Variants in ADGRG1 observed in about 807,000 individuals in gnomAD.
ADGRG1 encodes the protein 7-transmembrane protein with no EGF-like N-terminal domains-1.
ADGRG1 carries 53 observed loss-of-function variants against 73.5 expected under a neutral mutation model. The ratio of observed to expected loss-of-function variants is 0.72; its 90% CI spans 0.58 to 0.91. The LOEUF is 0.91. ADGRG1 is among the 40% of genes least tolerant of loss of function. The pLI is 0.00. For missense variants in ADGRG1, 795 were observed against 871.8 expected (o/e 0.91, Z 1.11); for synonymous variants, 394 against 374.4 (o/e 1.05, Z -0.60).
chr16:57,631,412 G>A, intron 1 of ADGRG1: 3 of 985,942 alleles, frequency 3.0e-6, no homozygotes, highest in Non-Finnish European at 2.4e-6. Flanking sequence ...TGCAGGATGG[G>A]CTTCCATGTG....
chr16:57,654,165 C>A, intron 5 of ADGRG1, 32 bp downstream of exon 5: 2 of 1,598,692 alleles, frequency 1.3e-6, no homozygotes, highest in Non-Finnish European at 1.7e-6. Flanking sequence ...GAAGCAGATG[C>A]GGGTTGGGCC....
At chr16:57,653,559 C>A in intron 4 of ADGRG1, 1 of 985,402 alleles carries the variant, frequency 1.0e-6, no homozygotes, top group Non-Finnish European at 1.2e-6. Flanking sequence ...CCCAAGCCCT[C>A]CTCCCCCTCA....
chr16:57,657,781 G>T (rs781087994), intron 10 of ADGRG1, among the ~76,000 whole-genome samples: 1 of 151,586 alleles, frequency 6.6e-6, no homozygotes, highest in Non-Finnish European at 1.5e-5. Context: ...TGCCTCTGTC[G>T]CCCAGGCTGG....
chr16:57,651,269 G>A lies in ADGRG1; in HGVS notation c.134G>A (p.Ser45Asn). The A allele has an allele frequency of 6.2e-7, 1 of 1,614,164 alleles. No homozygotes were observed. The highest frequency in any genetic ancestry group is 2.2e-5 in the East Asian group (1 of 44,866). The change falls in exon 3 of 14, where the codon AGC (serine) becomes AAC (asparagine). Residue 45 changes from serine (S) to asparagine (N), a missense_variant. Ser to Asn is a conservative substitution (Grantham distance 46). Coordinates refer to ENST00000562631, the MANE Select transcript of ADGRG1 (RefSeq NM_201525.4). ...CSQRNQTHRSSLHYKPTPDLR... is the reference protein window; with the variant it reads ...CSQRNQTHRSNLHYKPTPDLR... ...CAGCGGAACCAGACACACAGGAGCA[G>A]CCTCCACTACAAACCCACACCAGAC... is the stretch of plus-strand genomic sequence containing the variant.
At chr16:57,658,774 A>G (rs1302261244) in intron 10 of ADGRG1, 1 of 159,382 alleles carries the variant, frequency 6.3e-6, no homozygotes, top group African/African-American at 2.4e-5. Context: ...CCCCAACCCT[A>G]TGAGGGTACC....
upstream of ADGRG1, chr16:57,623,024 A>G (rs1174072123): frequency 5.1e-6 from 5 of 985,326 alleles, no homozygotes; most frequent in East Asian, 5.7e-4. Context: ...GGAACCAAGA[A>G]GATGGTATGG....
rs1219981598 is a variant in ADGRG1 at position 57,657,506 on chromosome 16, G to T, written c.1286+15G>T. The T allele has an allele frequency of 1.3e-6, 2 of 1,584,610 alleles. No homozygotes were observed. The highest frequency in any genetic ancestry group is 1.7e-6 in the Non-Finnish European group (2 of 1,153,756). On this transcript the variant is annotated intron_variant, in intron 10 of 13. Transcript: ENST00000562631. ...CTCTGCTCCAGGTGAGGCCTGAAAGGGGTGGGACAGGGGAGGGGACCCTCC... is the reference window on the plus strand; with the variant it reads ...CTCTGCTCCAGGTGAGGCCTGAAAGTGGTGGGACAGGGGAGGGGACCCTCC...
chr16:57,639,314 T>TACGGAGCC, intron 1 of ADGRG1: 1 of 985,532 alleles, frequency 1.0e-6, no homozygotes. Context: ...CAGGACAAGT[T>TACGGAGCC]ACGGAGCCAC....
chr16:57,651,325 G>A lies in ADGRG1; in HGVS notation c.190G>A (p.Ala64Thr), dbSNP rs1462317722. 1 of 1,614,104 alleles carries A rather than the reference G, an allele frequency of 6.2e-7. No homozygotes were observed. Among genetic ancestry groups the A allele is most frequent in the Non-Finnish European group, 8.5e-7 (1 of 1,180,000 alleles). Residue 64 changes from alanine to threonine, a missense_variant, in exon 3 of 14, where the codon GCC (alanine) becomes ACC (threonine). By Grantham distance (58) the Ala-to-Thr change is moderately conservative. Transcript: ENST00000562631. Reference sequence around the variant, plus strand: ...CATCTCCATCGAGAACTCCGAAGAGGCCCTCACAGTCCATGCCCCTTTCCC... The same window carrying A: ...CATCTCCATCGAGAACTCCGAAGAGACCCTCACAGTCCATGCCCCTTTCCC... Reference protein sequence around the residue: ...LRISIENSEEALTVHAPFPAA... With the variant: ...LRISIENSEETLTVHAPFPAA...
chr16:57,630,369 C>G, intron 1 of ADGRG1: 2 of 985,492 alleles, frequency 2.0e-6, no homozygotes, highest in Non-Finnish European at 2.4e-6. Context: ...AGACCTGACC[C>G]CTTCTTTGCT....
chr16:57,650,739 T>C (rs1311743040), intron 2 of ADGRG1, among the ~76,000 whole-genome samples: 4 of 144,524 alleles, frequency 2.8e-5, no homozygotes, highest in Middle Eastern at 3.6e-3. Context: ...GACGGAGTCT[T>C]GCTCTGTCGC....
At chr16:57,631,009 C>T (rs1300443833) in intron 1 of ADGRG1, 1 of 986,110 alleles carries the variant, frequency 1.0e-6, no homozygotes, top group Non-Finnish European at 1.2e-6. Flanking sequence ...CAGGCAGGTG[C>T]TGTGTGGGGC....
rs2043730938 is a variant in ADGRG1 at position 57,650,363 on chromosome 16, C to G, written c.64+12C>G. 1 of 1,609,390 alleles carries G rather than the reference C, an allele frequency of 6.2e-7. No homozygotes were observed. The highest frequency in any genetic ancestry group is 1.1e-5 in the South Asian group (1 of 91,002). On this transcript the variant is annotated intron_variant, in intron 2 of 13. Transcript: ENST00000562631. ...CTTCCTGGTCCAAGGCAGGTCTTCC[C>G]AGGGGTGCCCTGGGCTGTTGGAACT... is the stretch of plus-strand genomic sequence containing the variant.
intron 1 of ADGRG1, chr16:57,648,374 A>G (rs1318794085): frequency 3.6e-6 from 3 of 839,176 alleles, no homozygotes; most frequent in Non-Finnish European, 1.4e-6. Flanking sequence ...CCTTCCCTAA[A>G]ACACTTTCAC....
intron 12 of ADGRG1, 151 bp from the exon 13 acceptor site, chr16:57,661,546 T>C (rs559386765): frequency 6.7e-7 from 1 of 1,492,138 alleles, no homozygotes; most frequent in East Asian, 2.5e-5. Context: ...TTAACTCAAA[T>C]GTATTTTTAA....
At chr16:57,661,202 T>G in intron 12 of ADGRG1, 1 of 785,682 alleles carries the variant, frequency 1.3e-6, no homozygotes, top group Non-Finnish European at 1.5e-6. Flanking sequence ...CCCATGCAGA[T>G]GGGAAGACAG....
Position 57,634,094 on chromosome 16 carries a change from G to A in ADGRG1, c.-36+5292G>A, listed in dbSNP as rs115983580. ...TGGAGAGGAGGCCTGGGTTCCAGTC[G>A]AGCTGGTTTCCTGGGACAGAACAGC... On this transcript the variant is annotated intron_variant, in intron 1 of 13. Coordinates refer to ENST00000562631, the MANE Select transcript of ADGRG1 (RefSeq NM_201525.4). 8.6e-4 allele frequency: 851 copies of A among 985,426 alleles called. 10 individuals carry two copies. In the African/African-American group the frequency reaches 0.014, roughly 16 times the overall value. The allele number at this position is 985,426 out of a possible 1,614,324, so 61.0% of individuals were successfully genotyped here.
At chr16:57,628,920 G>A in intron 1 of ADGRG1, 118 bp downstream of exon 1, 1 of 712,912 alleles carries the variant, frequency 1.4e-6, no homozygotes, top group Non-Finnish European at 1.6e-6. Flanking sequence ...GTGTGAGAGT[G>A]AGTGTGAGTG....
At chr16:57,647,720 T>C in intron 1 of ADGRG1, 13 of 903,772 alleles carry the variant, frequency 1.4e-5, no homozygotes, top group Non-Finnish European at 1.7e-5. Context: ...AGCATGTTAA[T>C]GGAGCCAGGG....
Sources: allele counts gnomAD v4.1 joint callset (sites outside exome capture counted in the v4.1 genomes callset), GRCh38; gene constraint gnomAD v4.1.1; transcripts MANE v1.5; gene names NCBI Gene and HGNC (gene_info 2026-07-23, HGNC 2026-07-21).